C12orf42: variants seen among roughly 807,000 people sequenced by gnomAD.
C12orf42 encodes the protein chromosome 12 open reading frame 42.
C12orf42 carries 25 observed loss-of-function variants against 21.6 expected under a neutral mutation model. That is an observed-to-expected ratio of 1.16 (90% CI 0.84 to 1.62). C12orf42 has a LOEUF of 1.62. C12orf42 is among the 40% of genes most tolerant of loss of function. The pLI is 0.00. For synonymous variants in C12orf42, 174 were observed against 175.0 expected (o/e 0.99, Z 0.05); for missense variants, 483 against 459.3 (o/e 1.05, Z -0.47).
intron 10 of C12orf42, among the ~76,000 whole-genome samples, chr12:103,257,799 A>G (rs1184474959): frequency 1.3e-5 from 2 of 152,018 alleles, no homozygotes; most frequent in Non-Finnish European, 2.9e-5. Context: ...GAACAAAATT[A>G]TAATTAAAGA....
chr12:103,076,688 T>G, the C12orf42 span, among the ~76,000 whole-genome samples: 1 of 152,208 alleles, frequency 6.6e-6, no homozygotes, highest in Non-Finnish European at 1.5e-5. Flanking sequence ...TCAGTGCCAT[T>G]ATAGTGATAC....
At chr12:103,143,488 T>A in the C12orf42 span, among the ~76,000 whole-genome samples, 88,433 of 152,064 alleles carry the variant, frequency 0.58, 27,014 homozygotes, top group East Asian at 0.81. Flanking sequence ...AACCCAGGAC[T>A]GTAGAAACTC....
chr12:103,369,950 GA>G (rs1371972038), intron 3 of C12orf42, among the ~76,000 whole-genome samples: 7 of 152,044 alleles, frequency 4.6e-5, no homozygotes, highest in Admixed American at 4.6e-4. Flanking sequence ...ACAACCTACA[GA>G]AAAGGAGAAA....
At chr12:103,104,375 G>C in the C12orf42 span, among the ~76,000 whole-genome samples, 44 of 152,250 alleles carry the variant, frequency 2.9e-4, no homozygotes, top group Middle Eastern at 6.8e-3. Context: ...ACCAATCCAG[G>C]GGATGTCAGA....
downstream of C12orf42, among the ~76,000 whole-genome samples, chr12:103,266,967 T>C (rs1462604163): frequency 1.3e-5 from 2 of 152,146 alleles, no homozygotes; most frequent in African/African-American, 4.8e-5. Context: ...AAAAAAACTT[T>C]GAGTATTAGG....
the C12orf42 span, among the ~76,000 whole-genome samples, chr12:103,069,622 C>T: frequency 2.0e-5 from 3 of 152,172 alleles, no homozygotes; most frequent in Admixed American, 6.6e-5. Context: ...ATTGCTTTTA[C>T]ACCACTGTAA....
the C12orf42 span, among the ~76,000 whole-genome samples, chr12:103,212,314 G>C: frequency 6.6e-6 from 1 of 152,172 alleles, no homozygotes; most frequent in Non-Finnish European, 1.5e-5. Context: ...GGGATCAAAA[G>C]GAGGTCCATA....
intron 4 of C12orf42, among the ~76,000 whole-genome samples, chr12:103,316,422 G>A (rs2039500913): frequency 6.6e-6 from 1 of 152,020 alleles, no homozygotes; most frequent in South Asian, 2.1e-4. Context: ...TTCATTGCCA[G>A]CCTACTTGCC....
At chr12:103,051,421 G>A in the C12orf42 span, among the ~76,000 whole-genome samples, 5 of 152,178 alleles carry the variant, frequency 3.3e-5, no homozygotes, top group African/African-American at 1.2e-4. Flanking sequence ...AGGCCCTGGA[G>A]AGATTATCTC....
At chr12:103,429,963 A>G (rs2139308576) in intron 2 of C12orf42, among the ~76,000 whole-genome samples, 1 of 152,344 alleles carries the variant, frequency 6.6e-6, no homozygotes, top group Middle Eastern at 3.4e-3. Flanking sequence ...TTATACAAAA[A>G]TTAACTCAGG....
chr12:103,521,958 C>A, the C12orf42 span, among the ~76,000 whole-genome samples: 1 of 152,124 alleles, frequency 6.6e-6, no homozygotes, highest in Non-Finnish European at 1.5e-5. Context: ...AATGGATAAC[C>A]AGACCTGATC....
At chr12:103,470,685 T>C (rs142363926) in intron 2 of C12orf42, among the ~76,000 whole-genome samples, 171 of 152,268 alleles carry the variant, frequency 1.1e-3, no homozygotes, top group African/African-American at 3.7e-3. Flanking sequence ...TCTTCCTCCT[T>C]CTCTTTTGGG....
intron 3 of C12orf42, among the ~76,000 whole-genome samples, chr12:103,381,081 A>G (rs1053461767): frequency 1.3e-5 from 2 of 152,218 alleles, no homozygotes; most frequent in African/African-American, 4.8e-5. Context: ...TATTACAGAA[A>G]TACTCATTCT....
chr12:103,259,397 G>C (rs952720446), intron 10 of C12orf42, among the ~76,000 whole-genome samples: 5 of 152,154 alleles, frequency 3.3e-5, no homozygotes, highest in Non-Finnish European at 7.3e-5. Flanking sequence ...TCCTGCCTCA[G>C]CCTCCCGAGT....
the C12orf42 span, among the ~76,000 whole-genome samples, chr12:103,217,869 C>A: frequency 6.6e-6 from 1 of 152,298 alleles, no homozygotes; most frequent in African/African-American, 2.4e-5. Flanking sequence ...GGGGTCCTTG[C>A]TAACATCTTT....
intron 4 of C12orf42, among the ~76,000 whole-genome samples, chr12:103,326,580 C>T (rs557588918): frequency 3.9e-5 from 6 of 152,176 alleles, no homozygotes; most frequent in Admixed American, 3.3e-4. Context: ...GCCACAGTGG[C>T]GTTCTTCCTG....
At chr12:103,157,331 T>C in the C12orf42 span, among the ~76,000 whole-genome samples, 1 of 152,212 alleles carries the variant, frequency 6.6e-6, no homozygotes, top group African/African-American at 2.4e-5. Context: ...TTTGTTTTTT[T>C]CTTTTAAATA....
intron 4 of C12orf42, among the ~76,000 whole-genome samples, chr12:103,336,751 G>A (rs971305764): frequency 6.6e-6 from 1 of 151,990 alleles, no homozygotes; most frequent in Non-Finnish European, 1.5e-5. Context: ...TTTTTTATAC[G>A]CATCAACTCA....
intron 4 of C12orf42, among the ~76,000 whole-genome samples, chr12:103,332,380 T>C (rs918276735): frequency 1.3e-5 from 2 of 152,190 alleles, no homozygotes; most frequent in Non-Finnish European, 2.9e-5. Context: ...TTTGAGCCAA[T>C]TTCTTAGACA....
Sources: gnomAD v4.1 joint callset for allele counts (sites outside exome capture counted in the v4.1 genomes callset) on GRCh38, gnomAD v4.1.1 for gene constraint, MANE v1.5 for transcripts, NCBI Gene and HGNC (gene_info 2026-07-23, HGNC 2026-07-21) for gene names.